Variants in MSRA observed in about 807,000 individuals in gnomAD.
MSRA encodes the protein mitochondrial peptide methionine sulfoxide reductase.
MSRA carries 54 observed loss-of-function variants against 31.3 expected under a neutral mutation model. The ratio of observed to expected loss-of-function variants is 1.73; its 90% confidence interval spans 1.39 to 2.17. The LOEUF (loss-of-function observed/expected upper bound fraction) is 2.17, where lower values mean the gene tolerates loss of function less well. Among genes scored for constraint, MSRA ranks in the 30% most tolerant of loss-of-function variants. The pLI is 0.00. For synonymous variants in MSRA, 169 were observed against 116.5 expected, an observed-to-expected ratio of 1.45 and a Z score of -2.90; for missense variants, 507 against 300.9, an observed-to-expected ratio of 1.69 and a Z score of -5.07.
intron 2 of MSRA, among the ~76,000 whole-genome samples, chr8:10,211,657 G>T (rs1345009102): frequency 3.9e-5 from 6 of 152,106 alleles, no homozygotes; most frequent in African/African-American, 1.4e-4. Context: ...CTCCTTTATA[G>T]GCAGACAAAC....
intron 3 of MSRA, among the ~76,000 whole-genome samples, chr8:10,269,496 G>A (rs1034459360): frequency 1.3e-5 from 2 of 152,216 alleles, no homozygotes; most frequent in African/African-American, 4.8e-5. Flanking sequence ...GCTGCACCAG[G>A]CATAGGTTTG....
At chr8:10,303,477 T>A (rs547825778) in intron 4 of MSRA, among the ~76,000 whole-genome samples, 2 of 152,040 alleles carry the variant, frequency 1.3e-5, no homozygotes, top group Non-Finnish European at 2.9e-5. Context: ...ATCTCTGGGG[T>A]TAAAAAAGAT....
chr8:10,203,984 T>TAGGA (rs1242262459), intron 1 of MSRA, among the ~76,000 whole-genome samples: 1 of 151,728 alleles, frequency 6.6e-6, no homozygotes, highest in Non-Finnish European at 1.5e-5. Flanking sequence ...ATTTTAAAAA[T>TAGGA]AGAAGTTTTC....
At chr8:10,078,666 G>T (rs142517177) in intron 1 of MSRA, among the ~76,000 whole-genome samples, 1 of 152,240 alleles carries the variant, frequency 6.6e-6, no homozygotes, top group Non-Finnish European at 1.5e-5. Context: ...TGAGGCCCAC[G>T]GGAGGAGGCA....
intron 3 of MSRA, among the ~76,000 whole-genome samples, chr8:10,283,129 TACACAC>T (rs66507479): frequency 1.7e-4 from 23 of 138,488 alleles, no homozygotes; most frequent in African/African-American, 5.2e-4. Context: ...ATATTCACAT[TACACAC>T]ACACACACAC....
At chr8:10,103,602 A>G (rs532163046) in intron 1 of MSRA, among the ~76,000 whole-genome samples, 3 of 152,326 alleles carry the variant, frequency 2.0e-5, no homozygotes, top group South Asian at 2.1e-4. Flanking sequence ...ATGGGAGACA[A>G]TTATCTAGTT....
intron 3 of MSRA, among the ~76,000 whole-genome samples, chr8:10,293,170 C>T (rs1483348106): frequency 6.6e-6 from 1 of 152,124 alleles, no homozygotes; most frequent in Non-Finnish European, 1.5e-5. Flanking sequence ...TTGCAGGGCA[C>T]AGGACACTGT....
intron 5 of MSRA, among the ~76,000 whole-genome samples, chr8:10,358,542 C>G (rs1356048391): frequency 7.0e-6 from 1 of 143,048 alleles, no homozygotes; most frequent in Non-Finnish European, 1.5e-5. Flanking sequence ...CGCCTCCTGT[C>G]AGATCAGCGG....
At chr8:10,200,228 G>A (rs898658064) in intron 1 of MSRA, among the ~76,000 whole-genome samples, 1 of 152,122 alleles carries the variant, frequency 6.6e-6, no homozygotes, top group African/African-American at 2.4e-5. Flanking sequence ...GGGAGGCCGT[G>A]GTCAGAGCAA....
chr8:10,263,819 TG>T (rs1223835608), intron 3 of MSRA, among the ~76,000 whole-genome samples: 2 of 152,210 alleles, frequency 1.3e-5, no homozygotes, highest in Non-Finnish European at 2.9e-5. Context: ...TTATTGTATT[TG>T]AAGTGAATGC....
At chr8:10,141,762 C>T (rs1466317413) in intron 1 of MSRA, among the ~76,000 whole-genome samples, 1 of 151,614 alleles carries the variant, frequency 6.6e-6, no homozygotes, top group African/African-American at 2.4e-5. Context: ...CTTCTTTTGA[C>T]CTGGCATAAA....
At chr8:10,174,531 C>T (rs567921067) in intron 1 of MSRA, among the ~76,000 whole-genome samples, 41 of 152,242 alleles carry the variant, frequency 2.7e-4, no homozygotes, top group African/African-American at 9.9e-4. Context: ...CAGCTCACCT[C>T]CCCTCTGTGA....
intron 1 of MSRA, among the ~76,000 whole-genome samples, chr8:10,086,364 C>G (rs61055969): frequency 0.011 from 1,748 of 152,174 alleles, 27 homozygotes; most frequent in African/African-American, 0.036. Flanking sequence ...CTGGTTTGGC[C>G]AAGTTGAGTT....
intron 1 of MSRA, among the ~76,000 whole-genome samples, chr8:10,151,234 C>T (rs1248683153): frequency 2.8e-5 from 4 of 144,744 alleles, no homozygotes; most frequent in Non-Finnish European, 4.5e-5. Context: ...TGCATTCCAG[C>T]CTGGGTGACA....
chr8:10,254,389 C>G (rs1253525272), intron 3 of MSRA, among the ~76,000 whole-genome samples: 1 of 152,074 alleles, frequency 6.6e-6, no homozygotes, highest in East Asian at 1.9e-4. Context: ...GTTGTTTTTT[C>G]CACTCTGGTT....
chr8:10,346,484 G>A (rs937049398), intron 5 of MSRA, among the ~76,000 whole-genome samples: 7 of 152,058 alleles, frequency 4.6e-5, no homozygotes, highest in African/African-American at 1.7e-4. Flanking sequence ...GGAAATAAAC[G>A]AAGACCACCA....
intron 2 of MSRA, among the ~76,000 whole-genome samples, chr8:10,218,978 T>C (rs1475360188): frequency 6.6e-6 from 1 of 152,182 alleles, no homozygotes; most frequent in Non-Finnish European, 1.5e-5. Flanking sequence ...ATCTTCTCTC[T>C]CGTTCTTTCC....
chr8:10,424,229 G>T (rs984328643), intron 5 of MSRA, among the ~76,000 whole-genome samples: 1 of 152,216 alleles, frequency 6.6e-6, no homozygotes, highest in Non-Finnish European at 1.5e-5. Context: ...GAACATTCGG[G>T]AAACAGGTAA....
intron 2 of MSRA, among the ~76,000 whole-genome samples, chr8:10,218,114 C>CTATT (rs371596796): frequency 0.11 from 15,430 of 138,648 alleles, 1,084 homozygotes; most frequent in East Asian, 0.17. Context: ...GGTTCCTTTT[C>CTATT]TATTTATTTA....
Sources: gnomAD v4.1 joint callset for allele counts (sites outside exome capture counted in the v4.1 genomes callset) on GRCh38, gnomAD v4.1.1 for gene constraint, MANE v1.5 for transcripts, NCBI Gene and HGNC (gene_info 2026-07-23, HGNC 2026-07-21) for gene names.